Variants in PLD3 observed in about 807,000 individuals in gnomAD.
PLD3 encodes 5'-3' exonuclease PLD3.
Under a neutral mutation model 58.4 loss-of-function variants are expected in PLD3, and 31 were observed. The ratio of observed to expected loss-of-function variants is 0.53; its 90% CI spans 0.40 to 0.72. The LOEUF is 0.72. Ranked by LOEUF, PLD3 falls within the 30% of genes least tolerant of loss-of-function variation. PLD3 has a pLI of 0.00. For missense variants in PLD3, 595 were observed against 659.8 expected (o/e 0.90, Z 1.08); for synonymous variants, 264 against 273.4 (o/e 0.97, Z 0.34).
chr19:40,368,185 T>A (rs1157611862), intron 6 of PLD3, among the ~76,000 whole-genome samples: 1 of 151,612 alleles, frequency 6.6e-6, no homozygotes, highest in African/African-American at 2.4e-5. Flanking sequence ...AAGGGAAGAG[T>A]GGAGTAATTA....
At chr19:40,370,331 C>T in intron 8 of PLD3, 94 bp downstream of exon 8, 1 of 1,376,792 alleles carries the variant, frequency 7.3e-7, no homozygotes, top group East Asian at 2.3e-5. Flanking sequence ...ATCCAGAGTC[C>T]TCTCCACCCA....
intron 1 of PLD3, chr19:40,355,902 G>A (rs143741273): frequency 6.6e-6 from 1 of 152,306 alleles, no homozygotes; most frequent in East Asian, 1.9e-4. Context: ...TTGAGCAGGA[G>A]TGGGACAGCT....
chr19:40,377,519 G>A (rs1230923697), intron 11 of PLD3, among the ~76,000 whole-genome samples: 1 of 151,972 alleles, frequency 6.6e-6, no homozygotes, highest in East Asian at 1.9e-4. Context: ...AAGATGTTCT[G>A]GAAATGGGGG....
intron 1 of PLD3, among the ~76,000 whole-genome samples, chr19:40,365,103 C>A (rs2078885310): frequency 6.6e-6 from 1 of 152,210 alleles, no homozygotes; most frequent in South Asian, 2.1e-4. Context: ...TATCTCTTGA[C>A]TTCCTGCCAT....
chr19:40,352,341 G>C (rs892473333), intron 1 of PLD3, among the ~76,000 whole-genome samples: 1 of 152,134 alleles, frequency 6.6e-6, no homozygotes, highest in African/African-American at 2.4e-5. Flanking sequence ...TTTTTGAGAG[G>C]CCGGCGCCAC....
In PLD3 at chr19:40,348,764, T is replaced by C; in HGVS notation, c.-283T>C. 2.5e-6 allele frequency: 1 copy of C among 397,452 alleles called. No individual in the cohort carries two copies. Among genetic ancestry groups the C allele is most frequent in the Admixed American group, 4.7e-5 (1 of 21,228 alleles). The allele number at this position is 397,452 out of a possible 1,614,324, so 24.6% of individuals were successfully genotyped here. On this transcript the variant is annotated 5_prime_UTR_variant, in exon 1 of 13. Transcript: ENST00000409735. ...GGGTCTCGGAGTGGGAGACGTGGAG[T>C]GCAGGTACTGTGCGATCTGGGGGCG...
At chr19:40,358,207 C>G (rs1219858148) in intron 1 of PLD3, 1 of 152,750 alleles carries the variant, frequency 6.5e-6, no homozygotes, top group Non-Finnish European at 1.5e-5. Flanking sequence ...CCACCTCAGC[C>G]TCCCAAGTGG....
intron 6 of PLD3, among the ~76,000 whole-genome samples, chr19:40,368,319 G>A (rs2078980215): frequency 6.6e-6 from 1 of 152,128 alleles, no homozygotes; most frequent in African/African-American, 2.4e-5. Flanking sequence ...TGCTTCTTAG[G>A]GCTCTTGTGA....
At position 40,367,780 on chromosome 19, in the gene PLD3, G is replaced by T. The variant is rs978870563; in HGVS notation, c.330G>T (p.Leu110=). The T allele has an allele frequency of 9.3e-6, 15 of 1,613,000 alleles. No individual in the cohort carries two copies. In the East Asian group the frequency reaches 3.3e-4, roughly 36 times the overall value. Residue 110 remains leucine (L), a synonymous_variant, in exon 6 of 13, where the codon CTG becomes CTT. Transcript: ENST00000409735. ...TGNPSTSQAW[L]GLLAGAHSSL... Reference sequence around the variant, plus strand: ...ACCCTTCCACCAGCCAGGCCTGGCTGGGCCTGCTCGCCGGTGCGCACAGCA... The same window carrying T: ...ACCCTTCCACCAGCCAGGCCTGGCTTGGCCTGCTCGCCGGTGCGCACAGCA...
At chr19:40,365,091 G>T (rs1332428585) in intron 1 of PLD3, among the ~76,000 whole-genome samples, 2 of 152,192 alleles carry the variant, frequency 1.3e-5, no homozygotes, top group Non-Finnish European at 2.9e-5. Context: ...CTTTTCTGCA[G>T]TTATCTCTTG....
intron 10 of PLD3, among the ~76,000 whole-genome samples, chr19:40,376,064 AAAG>A (rs2079190699): frequency 6.6e-6 from 1 of 151,972 alleles, no homozygotes; most frequent in Admixed American, 6.6e-5. Context: ...AAAAGAAAAA[AAAG>A]AGGATGGACC....
chr19:40,358,863 C>T (rs1420052957), intron 1 of PLD3: 1 of 152,140 alleles, frequency 6.6e-6, no homozygotes. Flanking sequence ...CCACCCTCCC[C>T]TGGGGGTGGG....
intron 9 of PLD3, among the ~76,000 whole-genome samples, chr19:40,372,994 C>A (rs1025317447): frequency 2.6e-5 from 4 of 152,370 alleles, no homozygotes; most frequent in African/African-American, 7.2e-5. Flanking sequence ...TTGGACAACA[C>A]TGGCTCTCGC....
intron 10 of PLD3, among the ~76,000 whole-genome samples, chr19:40,374,967 C>A (rs2079158083): frequency 6.6e-6 from 1 of 151,148 alleles, no homozygotes. Flanking sequence ...ACCAGCCTGG[C>A]TAACATGGTG....
At chr19:40,362,151 G>T (rs538066734) in intron 1 of PLD3, among the ~76,000 whole-genome samples, 2 of 152,070 alleles carry the variant, frequency 1.3e-5, no homozygotes, top group African/African-American at 2.4e-5. Context: ...TTTTTCCCTC[G>T]TGTCTATTTT....
At chr19:40,371,362 C>T in intron 8 of PLD3, 1 of 335,304 alleles carries the variant, frequency 3.0e-6, no homozygotes, top group Non-Finnish European at 5.6e-6. Flanking sequence ...ATGCCTGGTG[C>T]AGGCTGGGTA....
intron 1 of PLD3, chr19:40,359,673 A>G (rs2078733888): frequency 6.6e-6 from 1 of 152,102 alleles, no homozygotes; most frequent in South Asian, 2.1e-4. Context: ...TAGAAGTTAT[A>G]TGTGCATTTA....
At chr19:40,376,864 G>A in intron 11 of PLD3, 90 bp downstream of exon 11, 6 of 1,256,788 alleles carry the variant, frequency 4.8e-6, no homozygotes, top group Non-Finnish European at 6.6e-6. Flanking sequence ...AATGACAAGG[G>A]CAGCCCAGAG....
intron 10 of PLD3, chr19:40,374,929 G>A (rs372044712): frequency 5.9e-6 from 2 of 341,880 alleles, no homozygotes; most frequent in East Asian, 6.5e-5. Flanking sequence ...GCTGAGGTGG[G>A]TGGATCACTT....
Sources: gnomAD v4.1 joint callset for allele counts (sites outside exome capture counted in the v4.1 genomes callset) on GRCh38, gnomAD v4.1.1 for gene constraint, MANE v1.5 for transcripts, NCBI Gene and HGNC (gene_info 2026-07-23, HGNC 2026-07-21) for gene names.